MED12L: variants seen among roughly 807,000 people sequenced by gnomAD.
MED12L encodes mediator complex subunit 12L, also known as mediator of RNA polymerase II transcription subunit 12-like protein.
In MED12L, 60 loss-of-function variants were observed where a neutral mutation model predicts 281.3. The ratio of observed to expected loss-of-function variants is 0.21; its 90% CI spans 0.17 to 0.26. MED12L has a LOEUF of 0.26. Ranked by LOEUF, MED12L falls within the 10% of genes least tolerant of loss-of-function variation. The pLI is 1.00. For missense variants in MED12L, 2,146 were observed against 2,680.9 expected, an observed-to-expected ratio of 0.80 and a Z score of 4.41; for synonymous variants, 974 against 987.2, an observed-to-expected ratio of 0.99 and a Z score of 0.25.
At chr3:151,388,726 TA>T (rs1318777663) in intron 37 of MED12L, among the ~76,000 whole-genome samples, 1 of 152,194 alleles carries the variant, frequency 6.6e-6, no homozygotes, top group African/African-American at 2.4e-5. Flanking sequence ...AAGCCTAATT[TA>T]AAATAGTTTT....
intron 2 of MED12L, among the ~76,000 whole-genome samples, chr3:151,097,370 C>T: frequency 6.6e-6 from 1 of 152,208 alleles, no homozygotes. Context: ...ATAACATATG[C>T]ATGCCAAACA....
chr3:151,105,196 G>T (rs16863164), intron 2 of MED12L, among the ~76,000 whole-genome samples: 1 of 152,128 alleles, frequency 6.6e-6, no homozygotes, highest in Non-Finnish European at 1.5e-5. Context: ...TCAGGAGCTT[G>T]AACTTATCTG....
intron 16 of MED12L, among the ~76,000 whole-genome samples, chr3:151,207,242 A>G (rs558830189): frequency 2.0e-5 from 3 of 152,124 alleles, no homozygotes; most frequent in East Asian, 3.9e-4. Flanking sequence ...TTTCTTGATC[A>G]AGTATTTATG....
intron 27 of MED12L, among the ~76,000 whole-genome samples, chr3:151,374,352 A>AGCCG (rs1756560367): frequency 6.6e-6 from 1 of 152,142 alleles, no homozygotes; most frequent in South Asian, 2.1e-4. Context: ...GTTTGAGACC[A>AGCCG]GCCTGGCCAA....
intron 27 of MED12L, among the ~76,000 whole-genome samples, chr3:151,374,048 A>G (rs944793641): frequency 1.3e-5 from 2 of 152,126 alleles, no homozygotes; most frequent in African/African-American, 2.4e-5. Flanking sequence ...CCAACCCCAC[A>G]AAGTTGTTCT....
At chr3:151,165,046 A>G (rs1200851508) in intron 9 of MED12L, among the ~76,000 whole-genome samples, 3 of 151,338 alleles carry the variant, frequency 2.0e-5, no homozygotes, top group African/African-American at 7.3e-5. Flanking sequence ...AAAAAAGAAT[A>G]AGATCCCTGT....
chr3:151,170,436 C>T (rs1449455383), intron 11 of MED12L, among the ~76,000 whole-genome samples: 1 of 151,784 alleles, frequency 6.6e-6, no homozygotes, highest in Admixed American at 6.6e-5. Context: ...CCACCATGCC[C>T]GGCTAATTTT....
Position 151,429,890 on chromosome 3 carries a change from T to A in MED12L, c.6409-409T>A, listed in dbSNP as rs189273191. On this transcript the variant is annotated intron_variant, in intron 43 of 44. Coordinates refer to ENST00000687756, the MANE Select transcript of MED12L (RefSeq NM_001393769.1). Reference sequence around the variant, plus strand: ...CCTCACCAGATTATTTTCTCCCATTTGTGCAAGGCACAACCTGTAGTCCTT... The same window carrying A: ...CCTCACCAGATTATTTTCTCCCATTAGTGCAAGGCACAACCTGTAGTCCTT... 3.9e-5 allele frequency among the ~76,000 whole-genome samples: 6 copies of A among 152,340 alleles called. No homozygotes were observed. The East Asian group carries it at 1.2e-3, about 29-fold the overall frequency.
intron 22 of MED12L, among the ~76,000 whole-genome samples, 183 bp from the exon 23 acceptor site, chr3:151,365,667 T>G (rs903065595): frequency 6.6e-6 from 1 of 152,250 alleles, no homozygotes; most frequent in African/African-American, 2.4e-5. Flanking sequence ...CAAAAATATT[T>G]GAAGCCATTG....
chr3:151,193,896 G>A (rs1221002), intron 16 of MED12L, among the ~76,000 whole-genome samples: 128,323 of 151,670 alleles, frequency 0.85, 54,453 homozygotes, highest in African/African-American at 0.92. Flanking sequence ...AATTTTCTAT[G>A]TTAGTATCCT....
chr3:151,214,260 C>G (rs1275411729), intron 16 of MED12L: 3 of 1,613,872 alleles, frequency 1.9e-6, no homozygotes, highest in Non-Finnish European at 2.5e-6. Context: ...GCTGAGTGAT[C>G]AGGAGGTTCT....
intron 16 of MED12L, among the ~76,000 whole-genome samples, chr3:151,289,927 C>G (rs1363777837): frequency 1.3e-5 from 2 of 151,250 alleles, no homozygotes; most frequent in Non-Finnish European, 2.9e-5. Flanking sequence ...GTCACGTGGG[C>G]TGGGGTGCAG....
In MED12L at chr3:151,377,031, A is replaced by G. The variant is rs780603020; in HGVS notation, c.4169A>G (p.Asn1390Ser). 22 of 1,614,106 alleles carry G rather than the reference A, an allele frequency of 1.4e-5. No individual in the cohort carries two copies. The highest frequency in any genetic ancestry group is 1.7e-4 in the Middle Eastern group (1 of 6,060). The stretch of plus-strand genomic sequence containing the variant: ...GCCGAAATGAACAACTTACTGGACA[A>G]TATTGCAAAGGCAACAATAGAGGTA... ...SVAEMNNLLDNIAKATIEVFQ... is the reference protein window; with the variant it reads ...SVAEMNNLLDSIAKATIEVFQ... The change falls in exon 30 of 45, where the codon AAT becomes AGT. Residue 1390 changes from asparagine (N) to serine (S), a missense_variant. This residue lies in a region of MED12L where 235 missense variants were observed against 260.3 expected (regional missense o/e 0.90). Coordinates refer to ENST00000687756, the MANE Select transcript of MED12L (RefSeq NM_001393769.1).
chr3:151,170,862 G>A (rs933091621), intron 11 of MED12L, among the ~76,000 whole-genome samples: 1 of 152,130 alleles, frequency 6.6e-6, no homozygotes, highest in Non-Finnish European at 1.5e-5. Flanking sequence ...GCCTGGAGGT[G>A]GTGGGGGTTG....
At chr3:151,269,676 C>G (rs1740514851) in intron 16 of MED12L, 1 of 414,682 alleles carries the variant, frequency 2.4e-6, no homozygotes, top group African/African-American at 2.1e-5. Context: ...GGTATTAAAT[C>G]AGGTTACAGA....
intron 16 of MED12L, among the ~76,000 whole-genome samples, chr3:151,215,708 A>G (rs533732675): frequency 2.6e-5 from 4 of 152,208 alleles, no homozygotes; most frequent in Non-Finnish European, 5.9e-5. Flanking sequence ...ATATGTGAAC[A>G]GTACCAATTA....
chr3:151,105,042 C>G (rs185139383), intron 2 of MED12L, among the ~76,000 whole-genome samples: 33 of 152,298 alleles, frequency 2.2e-4, no homozygotes, highest in Admixed American at 2.0e-3. Flanking sequence ...TTTGATATAT[C>G]TCTTTGAGGG....
In MED12L at chr3:151,394,543, C is replaced by T. The variant is rs1553809380; in HGVS notation, c.5609-113C>T. The T allele has an allele frequency of 4.6e-6, 7 of 1,510,308 alleles. No individual in the cohort carries two copies. The Admixed American group carries it at 8.8e-5, about 19-fold the overall frequency. 93.6% of individuals were successfully genotyped at this position (1,510,308 alleles called of 1,614,324 possible). On this transcript the variant is annotated intron_variant, in intron 38 of 44. Coordinates refer to ENST00000687756, the MANE Select transcript of MED12L (RefSeq NM_001393769.1). ...GGCAGGTGGGACAGTGCATTTTTTT[C>T]TACTTTGTTCATAAAGTGAGACTTA...
At chr3:151,376,732 T>G (rs755087599) in intron 28 of MED12L, 68 bp from the exon 29 acceptor site, 352 of 1,238,068 alleles carry the variant, frequency 2.8e-4, no homozygotes, top group Middle Eastern at 7.6e-4. Flanking sequence ...GAAGGAGTAC[T>G]GTAAGAAATT....
Sources: gnomAD v4.1 joint callset for allele counts (sites outside exome capture counted in the v4.1 genomes callset) on GRCh38, gnomAD v4.1.1 for gene constraint, gnomAD v4.1.1 regional missense constraint, MANE v1.5 for transcripts, NCBI Gene and HGNC (gene_info 2026-07-23, HGNC 2026-07-21) for gene names.